Variants in GPRC6A observed in about 807,000 individuals in gnomAD.
GPRC6A encodes the protein G protein-coupled receptor class C group 6 member A.
GPRC6A carries 54 observed loss-of-function variants against 47.0 expected under a neutral mutation model. That is an observed-to-expected ratio of 1.15 (90% confidence interval 0.92 to 1.44). The LOEUF (loss-of-function observed/expected upper bound fraction) is 1.44. Among genes scored for constraint, GPRC6A ranks in the 40% most tolerant of loss-of-function variants. The pLI is 0.00. For missense variants in GPRC6A, 1,112 were observed against 1,105.5 expected (o/e 1.01, Z -0.08); for synonymous variants, 347 against 377.1 (o/e 0.92, Z 0.93).
rs781354260 is a variant in GPRC6A at position 116,800,701 on chromosome 6, C to T, written c.1431G>A (p.Val477=). The T allele has an allele frequency of 1.9e-6, 3 of 1,609,910 alleles. No individual in the cohort carries two copies. Among genetic ancestry groups the T allele is most frequent in the Admixed American group, 1.7e-5 (1 of 59,954 alleles). Residue 477 remains valine (V), a synonymous_variant, in exon 4 of 6, where the codon GTG becomes GTA. Coordinates refer to ENST00000310357, the MANE Select transcript of GPRC6A (RefSeq NM_148963.4). ...TGTGTCCATTGATCTCCTTCCAGAG[C>T]ACAACATCATATCCAGTATTTAAAT... ...HGDLNTGYDV[V]LWKEINGHMT...
intron 1 of GPRC6A, among the ~76,000 whole-genome samples, chr6:116,814,773 G>A (rs1472313341): frequency 6.6e-6 from 1 of 151,656 alleles, no homozygotes; most frequent in Non-Finnish European, 1.5e-5. Context: ...AAAAAAAAGA[G>A]ATATAGACTG....
Position 116,828,913 on chromosome 6 carries a change from C to A in GPRC6A, c.101G>T (p.Gly34Val). 1.2e-6 allele frequency: 2 copies of A among 1,613,248 alleles called. No homozygotes were observed. The highest frequency in any genetic ancestry group is 2.2e-5 in the South Asian group (2 of 91,024). Residue 34 changes from glycine (G) to valine (V), a missense_variant, in exon 1 of 6, where the codon GGA becomes GTA. Physicochemically the swap from Gly to Val is moderately radical, Grantham distance 109. Transcript: ENST00000310357. ...AAACAAACCTCCAATTATGATATGT[C>A]CCGGAGAAGTGGCAGCCACAAAGTC... ...PDDFVAATSP[G>V]HIIIGGLFAI...
At chr6:116,826,917 G>A (rs1773697104) in intron 1 of GPRC6A, among the ~76,000 whole-genome samples, 1 of 151,864 alleles carries the variant, frequency 6.6e-6, no homozygotes, top group Non-Finnish European at 1.5e-5. Context: ...TGAAACTGGA[G>A]GCCATTATGT....
chr6:116,798,317 A>G (rs1772551591), intron 4 of GPRC6A, among the ~76,000 whole-genome samples: 1 of 152,198 alleles, frequency 6.6e-6, no homozygotes, highest in Non-Finnish European at 1.5e-5. Context: ...CCACATGAAC[A>G]TCAGAGAAAA....
intron 1 of GPRC6A, among the ~76,000 whole-genome samples, chr6:116,815,982 G>T (rs891741070): frequency 6.6e-6 from 1 of 152,192 alleles, no homozygotes; most frequent in Non-Finnish European, 1.5e-5. Context: ...GAGGTCTCAG[G>T]ACATACACAA....
chr6:116,810,474 T>C (rs1487654782), intron 1 of GPRC6A, among the ~76,000 whole-genome samples: 1 of 152,108 alleles, frequency 6.6e-6, no homozygotes, highest in Non-Finnish European at 1.5e-5. Context: ...ATTAAATTTT[T>C]TGCTATTCTT....
At chr6:116,818,619 C>CAAAGGAG (rs1773335104) in intron 1 of GPRC6A, among the ~76,000 whole-genome samples, 1 of 117,532 alleles carries the variant, frequency 8.5e-6, no homozygotes, top group East Asian at 2.6e-4. Context: ...GCTTCATAAG[C>CAAAGGAG]AAAGGAGAAA....
At chr6:116,820,541 A>T (rs1168340802) in intron 1 of GPRC6A, among the ~76,000 whole-genome samples, 3 of 149,908 alleles carry the variant, frequency 2.0e-5, no homozygotes, top group Non-Finnish European at 3.0e-5. Context: ...CTGGGATGCA[A>T]GGCTGGTTCA....
In GPRC6A at chr6:116,826,672, A is replaced by G. The variant is rs935696630; in HGVS notation, c.194+2148T>C. 2.2e-4 allele frequency among the ~76,000 whole-genome samples: 34 copies of G among 151,956 alleles called. 1 individual carries two copies. The highest frequency in any genetic ancestry group is 2.2e-3 in the Admixed American group (34 of 15,232). On this transcript the variant is annotated intron_variant, in intron 1 of 5. Coordinates refer to ENST00000310357, the MANE Select transcript of GPRC6A (RefSeq NM_148963.4). ...TTTCTCAAAAATCTAAAAATGATAAATGTAGTCCAGTAATCCTACTATTGG... is the reference window on the plus strand; with the variant it reads ...TTTCTCAAAAATCTAAAAATGATAAGTGTAGTCCAGTAATCCTACTATTGG...
rs763389585 is a variant in GPRC6A at position 116,806,620 on chromosome 6, G to A, written c.1085C>T (p.Ser362Phe). 3.7e-6 allele frequency: 6 copies of A among 1,613,374 alleles called. No individual in the cohort carries two copies. In the East Asian group the frequency reaches 1.3e-4, roughly 36 times the overall value. Residue 362 changes from serine (S) to phenylalanine (F), a missense_variant, in exon 3 of 6, where the codon TCT (serine) becomes TTT (phenylalanine). Physicochemically the swap from Ser to Phe is radical, Grantham distance 155. Coordinates refer to ENST00000310357, the MANE Select transcript of GPRC6A (RefSeq NM_148963.4). ...AGTGTCCTTGACATATGCGCAGGCA[G>A]ATAAATGCATGGCATATTCATGTAA... is the stretch of plus-strand genomic sequence containing the variant. ...KLLHEYAMHL[S>F]ACAYVKDTDL...
chr6:116,809,274 T>A, intron 2 of GPRC6A, 40 bp downstream of exon 2: 1 of 1,523,350 alleles, frequency 6.6e-7, no homozygotes. Flanking sequence ...TAATAACAAA[T>A]GTGATCAAAA....
At chr6:116,827,772 C>G (rs1200340982) in intron 1 of GPRC6A, among the ~76,000 whole-genome samples, 2 of 151,768 alleles carry the variant, frequency 1.3e-5, no homozygotes, top group East Asian at 3.9e-4. Flanking sequence ...CTCTGGTATT[C>G]CTGTTAATCA....
chr6:116,807,432 T>C (rs1431754203), intron 2 of GPRC6A, among the ~76,000 whole-genome samples: 1 of 152,192 alleles, frequency 6.6e-6, no homozygotes, highest in East Asian at 1.9e-4. Context: ...TCAGGCTGTA[T>C]CTCATTTTCC....
chr6:116,794,545 A>G (rs181051100), intron 5 of GPRC6A, among the ~76,000 whole-genome samples: 213 of 152,232 alleles, frequency 1.4e-3, no homozygotes, highest in Non-Finnish European at 2.5e-3. Flanking sequence ...CCAAAAGAAA[A>G]CCCAGATACA....
chr6:116,826,818 T>C (rs1251690419), intron 1 of GPRC6A, among the ~76,000 whole-genome samples: 3 of 151,766 alleles, frequency 2.0e-5, no homozygotes, highest in Non-Finnish European at 2.9e-5. Flanking sequence ...AATAGAAGAA[T>C]AGATAAAGAA....
chr6:116,819,924 G>GT (rs1325265407), intron 1 of GPRC6A, among the ~76,000 whole-genome samples: 1 of 149,456 alleles, frequency 6.7e-6, no homozygotes, highest in African/African-American at 2.5e-5. Context: ...CCAGGAGCTG[G>GT]TTTTTTGAAA....
At chr6:116,806,308 A>G in intron 3 of GPRC6A, 62 bp downstream of exon 3, 1 of 1,045,982 alleles carries the variant, frequency 9.6e-7, no homozygotes, top group Middle Eastern at 2.1e-4. Context: ...GCAAATTAAA[A>G]CAAGGGAGGA....
intron 4 of GPRC6A, among the ~76,000 whole-genome samples, chr6:116,800,074 G>A (rs1772610797): frequency 1.3e-5 from 2 of 152,140 alleles, no homozygotes; most frequent in Admixed American, 6.6e-5. Flanking sequence ...AGCCATCTAG[G>A]AAGGTGAGTT....
intron 1 of GPRC6A, among the ~76,000 whole-genome samples, chr6:116,812,638 G>C (rs1773064040): frequency 6.6e-6 from 1 of 152,034 alleles, no homozygotes; most frequent in South Asian, 2.1e-4. Context: ...GACATAGACT[G>C]GCTGTCAATA....
Sources: gnomAD v4.1 joint callset for allele counts (sites outside exome capture counted in the v4.1 genomes callset) on GRCh38, gnomAD v4.1.1 for gene constraint, MANE v1.5 for transcripts, NCBI Gene and HGNC (gene_info 2026-07-23, HGNC 2026-07-21) for gene names.